C1QTNF3: variants seen among roughly 807,000 people sequenced by gnomAD.
C1QTNF3 encodes the protein C1q and TNF related 3, also known as complement C1q tumor necrosis factor-related protein 3.
Under a neutral mutation model 32.6 loss-of-function variants are expected in C1QTNF3, and 26 were observed. The observed-to-expected ratio is 0.80, with a 90% CI of 0.58 to 1.11. The LOEUF is 1.11. Among genes scored for constraint, C1QTNF3 ranks in the 50% least tolerant of loss-of-function variants. The probability of loss-of-function intolerance (pLI) is 0.00; values close to 1 mark genes in which losing one functional copy is unlikely to be tolerated. For missense variants in C1QTNF3, 362 were observed against 398.2 expected (o/e 0.91, Z 0.77); for synonymous variants, 155 against 146.0 (o/e 1.06, Z -0.44).
chr5:34,125,257 T>A, the C1QTNF3 span, among the ~76,000 whole-genome samples: 2 of 152,100 alleles, frequency 1.3e-5, no homozygotes, highest in South Asian at 4.1e-4. Flanking sequence ...CAAGGGTCCA[T>A]GCATATAAGC....
chr5:34,210,261 GAGAA>G, the C1QTNF3 span, among the ~76,000 whole-genome samples: 5 of 151,938 alleles, frequency 3.3e-5, no homozygotes, highest in African/African-American at 1.2e-4. Context: ...GCAGTAGCTG[GAGAA>G]AGAAAAAGAA....
chr5:34,054,023 A>G, the C1QTNF3 span, among the ~76,000 whole-genome samples: 1 of 152,204 alleles, frequency 6.6e-6, no homozygotes. Flanking sequence ...AAACAGGCCG[A>G]GTATGGAAAG....
chr5:34,142,490 G>A, the C1QTNF3 span, among the ~76,000 whole-genome samples: 2 of 151,194 alleles, frequency 1.3e-5, no homozygotes, highest in Admixed American at 6.6e-5. Flanking sequence ...GATGAGAGGA[G>A]CTCCCCCAAG....
the C1QTNF3 span, among the ~76,000 whole-genome samples, chr5:34,085,047 G>A: frequency 7.6e-6 from 1 of 131,724 alleles, no homozygotes; most frequent in Non-Finnish European, 1.5e-5. Context: ...CTGGAGTACA[G>A]TGGTGCAATC....
the C1QTNF3 span, among the ~76,000 whole-genome samples, chr5:34,159,479 A>T: frequency 1.3e-5 from 2 of 152,142 alleles, no homozygotes; most frequent in African/African-American, 4.8e-5. Flanking sequence ...ACTCATTAAC[A>T]AGGTTGTACA....
the C1QTNF3 span, among the ~76,000 whole-genome samples, chr5:34,081,700 A>C: frequency 2.0e-5 from 3 of 151,622 alleles, no homozygotes; most frequent in Admixed American, 2.0e-4. Flanking sequence ...AAGATATTTT[A>C]TGAGCCTAAC....
At chr5:34,039,279 C>A (rs1215162628) in intron 1 of C1QTNF3, among the ~76,000 whole-genome samples, 1 of 152,158 alleles carries the variant, frequency 6.6e-6, no homozygotes, top group African/African-American at 2.4e-5. Flanking sequence ...GTAAAAAAAC[C>A]CCAAGTCAAA....
the C1QTNF3 span, among the ~76,000 whole-genome samples, chr5:34,075,801 T>C: frequency 5.1e-4 from 78 of 151,460 alleles, no homozygotes; most frequent in Middle Eastern, 3.4e-3. Context: ...ATGTTCATAA[T>C]AGCATTGTTT....
the C1QTNF3 span, among the ~76,000 whole-genome samples, chr5:34,074,166 A>G: frequency 6.6e-6 from 1 of 152,064 alleles, no homozygotes. Flanking sequence ...GTGAGAAAAC[A>G]GAGGTGCAGA....
intron 4 of C1QTNF3, among the ~76,000 whole-genome samples, chr5:34,027,688 T>TA (rs1052520539): frequency 2.5e-5 from 3 of 120,484 alleles, no homozygotes; most frequent in African/African-American, 1.0e-4. Flanking sequence ...GGCTGGTTGA[T>TA]AGAGACCCTG....
At chr5:34,115,472 T>C in the C1QTNF3 span, among the ~76,000 whole-genome samples, 2 of 152,148 alleles carry the variant, frequency 1.3e-5, no homozygotes, top group African/African-American at 4.8e-5. Flanking sequence ...GGCTCATGCC[T>C]GTAATCTCAG....
chr5:34,081,573 T>C, the C1QTNF3 span, among the ~76,000 whole-genome samples: 1 of 151,472 alleles, frequency 6.6e-6, no homozygotes, highest in African/African-American at 2.4e-5. Flanking sequence ...ATGTAGGTGA[T>C]CGCCCCAAAA....
the C1QTNF3 span, among the ~76,000 whole-genome samples, chr5:34,240,821 G>A: frequency 6.6e-6 from 1 of 152,088 alleles, no homozygotes; most frequent in South Asian, 2.1e-4. Flanking sequence ...CAAAAAAAAA[G>A]AACATTCAGG....
chr5:34,103,776 C>T, the C1QTNF3 span, among the ~76,000 whole-genome samples: 9 of 146,998 alleles, frequency 6.1e-5, no homozygotes, highest in East Asian at 1.6e-3. Flanking sequence ...GAGCTGAGAT[C>T]GCACCACTGC....
the C1QTNF3 span, among the ~76,000 whole-genome samples, chr5:34,212,612 C>T: frequency 6.6e-6 from 1 of 151,874 alleles, no homozygotes; most frequent in Admixed American, 6.6e-5. Context: ...ACAGACACTT[C>T]TCAAAAGAAG....
chr5:34,178,153 T>C, the C1QTNF3 span, among the ~76,000 whole-genome samples: 1 of 145,576 alleles, frequency 6.9e-6, no homozygotes. Context: ...TGGTGGTGCA[T>C]GCCTGTAATC....
the C1QTNF3 span, among the ~76,000 whole-genome samples, chr5:34,222,201 C>G: frequency 6.6e-6 from 1 of 151,820 alleles, no homozygotes. Flanking sequence ...AAGACAATAA[C>G]AATTCAATTA....
intron 5 of C1QTNF3, among the ~76,000 whole-genome samples, chr5:34,022,194 A>G (rs1198517193): frequency 6.6e-6 from 1 of 152,262 alleles, no homozygotes; most frequent in Non-Finnish European, 1.5e-5. Flanking sequence ...CTAAGTAAAT[A>G]GAGTAAAATC....
upstream of C1QTNF3, among the ~76,000 whole-genome samples, chr5:34,044,271 A>C (rs1158478341): frequency 1.3e-5 from 2 of 152,240 alleles, no homozygotes; most frequent in Non-Finnish European, 2.9e-5. Context: ...CAGTTTTGTC[A>C]TCAAAAATTG....
Sources: gnomAD v4.1 joint callset for allele counts (sites outside exome capture counted in the v4.1 genomes callset) on GRCh38, gnomAD v4.1.1 for gene constraint, MANE v1.5 for transcripts, NCBI Gene and HGNC (gene_info 2026-07-23, HGNC 2026-07-21) for gene names.